SNX29: variants seen among roughly 807,000 people sequenced by gnomAD.
SNX29 encodes the protein sorting nexin-29.
Under a neutral mutation model 102.1 loss-of-function variants are expected in SNX29, and 78 were observed. That is an observed-to-expected ratio of 0.76 (90% CI 0.64 to 0.92). The LOEUF is 0.92. Ranked by LOEUF, SNX29 falls within the 40% of genes least tolerant of loss-of-function variation. The probability of loss-of-function intolerance (pLI) is 0.00; values close to 1 mark genes in which losing one functional copy is unlikely to be tolerated. For synonymous variants in SNX29, 580 were observed against 414.5 expected (o/e 1.40, Z -4.85); for missense variants, 1,280 against 1,061.7 (o/e 1.21, Z -2.86).
chr16:12,003,814 C>T (rs1203646017), intron 3 of SNX29, among the ~76,000 whole-genome samples: 2 of 152,120 alleles, frequency 1.3e-5, no homozygotes, highest in Non-Finnish European at 2.9e-5. Context: ...CGAGACCAGG[C>T]TGGCCAACAT....
chr16:12,503,787 C>A (rs2089240392), intron 19 of SNX29, among the ~76,000 whole-genome samples: 1 of 152,168 alleles, frequency 6.6e-6, no homozygotes, highest in Admixed American at 6.5e-5. Context: ...GCAATACCCG[C>A]TGCAGAAAGA....
intron 19 of SNX29, among the ~76,000 whole-genome samples, chr16:12,488,451 C>T (rs1283762377): frequency 6.6e-6 from 1 of 151,990 alleles, no homozygotes; most frequent in East Asian, 1.9e-4. Flanking sequence ...TCCCCCCCGT[C>T]CCCGCACCCA....
chr16:12,279,648 G>A (rs2079369435), intron 15 of SNX29, among the ~76,000 whole-genome samples: 1 of 152,222 alleles, frequency 6.6e-6, no homozygotes, highest in African/African-American at 2.4e-5. Context: ...TCAGGATTGG[G>A]ACGACTTGTG....
chr16:12,278,142 A>G, intron 15 of SNX29, 106 bp downstream of exon 15: 2 of 897,532 alleles, frequency 2.2e-6, no homozygotes, highest in Non-Finnish European at 3.5e-6. Flanking sequence ...AAAACGACCA[A>G]GCAACTCCTC....
chr16:12,180,233 T>C (rs1474166128), intron 13 of SNX29, among the ~76,000 whole-genome samples: 1 of 152,170 alleles, frequency 6.6e-6, no homozygotes, highest in African/African-American at 2.4e-5. Flanking sequence ...AGGTGTTCCT[T>C]CTAGGTTGGT....
At chr16:12,194,280 C>G (rs1247376543) in intron 13 of SNX29, among the ~76,000 whole-genome samples, 1 of 152,168 alleles carries the variant, frequency 6.6e-6, no homozygotes, top group Non-Finnish European at 1.5e-5. Flanking sequence ...AATTTGCCTT[C>G]TCATTGTTCA....
intron 20 of SNX29, among the ~76,000 whole-genome samples, chr16:12,565,064 G>A (rs2078938758): frequency 1.3e-5 from 2 of 152,184 alleles, no homozygotes; most frequent in South Asian, 2.1e-4. Context: ...CTGTAGCAAA[G>A]GGGCCCAGTG....
intron 11 of SNX29, among the ~76,000 whole-genome samples, chr16:12,124,510 G>A (rs760511666): frequency 1.4e-4 from 21 of 152,166 alleles, no homozygotes; most frequent in African/African-American, 5.1e-4. Flanking sequence ...TTTCCTTAGC[G>A]GAGTTGGTCT....
At chr16:12,131,534 A>G (rs2054467999) in intron 13 of SNX29, among the ~76,000 whole-genome samples, 1 of 151,946 alleles carries the variant, frequency 6.6e-6, no homozygotes, top group Non-Finnish European at 1.5e-5. Context: ...GTGGTATTTG[A>G]TTGAGTGAAC....
chr16:12,564,075 G>A (rs1006384663), intron 20 of SNX29, among the ~76,000 whole-genome samples: 2 of 152,076 alleles, frequency 1.3e-5, no homozygotes, highest in African/African-American at 4.8e-5. Context: ...CTGTATTTTG[G>A]GAGTTTGTAA....
intron 18 of SNX29, among the ~76,000 whole-genome samples, chr16:12,458,267 C>T (rs1034961526): frequency 6.6e-6 from 1 of 152,098 alleles, no homozygotes; most frequent in Non-Finnish European, 1.5e-5. Flanking sequence ...AGCTGACCAC[C>T]ATCTGCTTGG....
At chr16:12,562,685 C>CCTTCTTTGGAGTCGAGATTGAAG (rs1202311720) in intron 20 of SNX29, among the ~76,000 whole-genome samples, 1 of 152,162 alleles carries the variant, frequency 6.6e-6, no homozygotes, top group African/African-American at 2.4e-5. Flanking sequence ...ACAGGCACTG[C>CCTTCTTTGGAGTCGAGATTGAAG]CTTCTTTGGA....
chr16:12,315,219 C>G (rs1374597981), intron 15 of SNX29, among the ~76,000 whole-genome samples: 1 of 152,088 alleles, frequency 6.6e-6, no homozygotes, highest in Non-Finnish European at 1.5e-5. Context: ...TGGGGCCTCC[C>G]AGTTGAGAGT....
chr16:12,542,358 T>TTTTCTTTTG (rs1296873398), intron 20 of SNX29, among the ~76,000 whole-genome samples: 4 of 152,204 alleles, frequency 2.6e-5, no homozygotes, highest in East Asian at 1.9e-4. Flanking sequence ...AAGAAAAAGT[T>TTTTCTTTTG]AGACCCAAGT....
At chr16:12,357,456 G>T (rs1385898669) in intron 16 of SNX29, among the ~76,000 whole-genome samples, 3 of 152,098 alleles carry the variant, frequency 2.0e-5, no homozygotes, top group African/African-American at 7.2e-5. Flanking sequence ...TTTGATTCAG[G>T]ATCCATGTGA....
intron 5 of SNX29, among the ~76,000 whole-genome samples, chr16:12,045,405 CAGAG>C (rs55654150): frequency 0.4 from 59,867 of 151,258 alleles, 12,403 homozygotes; most frequent in Middle Eastern, 0.5. Flanking sequence ...AACAGGAAGA[CAGAG>C]AGAGCTTGCA....
chr16:12,473,948 G>A (rs1254128469), intron 18 of SNX29, among the ~76,000 whole-genome samples: 2 of 152,182 alleles, frequency 1.3e-5, no homozygotes, highest in African/African-American at 4.8e-5. Context: ...CTCTGTCTAT[G>A]GAGTAGCGAT....
rs748281283 is a variant in SNX29, at chr16:12,258,124, A to T, written c.1679-19809A>T. Among the ~76,000 whole-genome samples the T allele has an allele frequency of 4.7e-4, 71 of 152,256 alleles. 1 individual carries two copies. Among genetic ancestry groups the T allele is most frequent in the Non-Finnish European group, 7.8e-4 (53 of 68,028 alleles). ...AGCCAGAGTGGTTTAGCAATCAGCAAACAGGTCACAGCTCCCAGCTCCCCT... is the reference window on the plus strand; with the variant it reads ...AGCCAGAGTGGTTTAGCAATCAGCATACAGGTCACAGCTCCCAGCTCCCCT... On this transcript the variant is annotated intron_variant, in intron 14 of 20. Transcript: ENST00000566228.
intron 13 of SNX29, among the ~76,000 whole-genome samples, chr16:12,161,849 A>G (rs1295571001): frequency 6.6e-6 from 1 of 152,068 alleles, no homozygotes; most frequent in African/African-American, 2.4e-5. Flanking sequence ...GCTTCACTAG[A>G]AGCAGGTGCT....
Sources: allele counts gnomAD v4.1 joint callset (sites outside exome capture counted in the v4.1 genomes callset), GRCh38; gene constraint gnomAD v4.1.1; transcripts MANE v1.5; gene names NCBI Gene and HGNC (gene_info 2026-07-23, HGNC 2026-07-21).